CDK1: variants seen among roughly 807,000 people sequenced by gnomAD.
CDK1 encodes the protein cyclin-dependent kinase 1.
CDK1 carries 5 observed loss-of-function variants against 34.6 expected under a neutral mutation model. That is an observed-to-expected ratio of 0.14 (90% CI 0.08 to 0.30). CDK1 has a LOEUF of 0.30. Ranked by LOEUF, CDK1 falls within the 10% of genes least tolerant of loss-of-function variation. CDK1 has a pLI of 1.00. For synonymous variants in CDK1, 108 were observed against 114.7 expected, an observed-to-expected ratio of 0.94 and a Z score of 0.37; for missense variants, 157 against 345.7, an observed-to-expected ratio of 0.45 and a Z score of 4.33.
Position 60,794,790 on chromosome 10 carries a change from A to G in CDK1, c.*815A>G, listed in dbSNP as rs1401001095. On this transcript the variant is annotated 3_prime_UTR_variant, in exon 8 of 8. Transcript: ENST00000395284. ...TAGTGTTTATTAGCAGCCATCTAAA[A>G]AGGCTCTAATGTATATTTAACTAAA... 1 of 152,152 alleles carries G rather than the reference A, an allele frequency of 6.6e-6. No individual in the cohort carries two copies. The highest frequency in any genetic ancestry group is 1.5e-5 in the Non-Finnish European group (1 of 67,994). The allele number at this position is 152,152 out of a possible 1,614,324, so 9.4% of individuals were successfully genotyped here.
intron 7 of CDK1, 44 bp downstream of exon 7, chr10:60,792,333 C>G (rs761467501): frequency 6.6e-7 from 1 of 1,526,412 alleles, no homozygotes; most frequent in Non-Finnish European, 8.9e-7. Flanking sequence ...ATTGATGATT[C>G]TGAATATATT....
intron 2 of CDK1, 79 bp downstream of exon 2, chr10:60,780,281 A>G: frequency 1.3e-6 from 1 of 786,604 alleles, no homozygotes; most frequent in South Asian, 1.5e-5. Context: ...ACATTTAAAT[A>G]TTTATTAAAA....
At chr10:60,789,928 G>A (rs1475328452) in intron 5 of CDK1, among the ~76,000 whole-genome samples, 2 of 152,000 alleles carry the variant, frequency 1.3e-5, no homozygotes, top group Non-Finnish European at 2.9e-5. Context: ...TTTGTCTTTT[G>A]ATGATAATTA....
chr10:60,782,971 T>C (rs2080285179), intron 2 of CDK1, among the ~76,000 whole-genome samples: 1 of 152,140 alleles, frequency 6.6e-6, no homozygotes, highest in Admixed American at 6.5e-5. Context: ...GATGAGATTG[T>C]ACACTTGAGG....
intron 2 of CDK1, among the ~76,000 whole-genome samples, chr10:60,782,836 A>G (rs1030445489): frequency 6.6e-6 from 1 of 152,198 alleles, no homozygotes; most frequent in Admixed American, 6.5e-5. Flanking sequence ...ATTAACCAAT[A>G]GAAAGTTCTG....
At chr10:60,778,610 C>G (rs2080243482) in intron 1 of CDK1, 40 bp downstream of exon 1, 1 of 152,310 alleles carries the variant, frequency 6.6e-6, no homozygotes, top group Admixed American at 6.5e-5. Flanking sequence ...AGGGGACGGC[C>G]GAGGGCCTCG....
At chr10:60,787,220 T>G (rs369590229) in intron 4 of CDK1, among the ~76,000 whole-genome samples, 1 of 152,104 alleles carries the variant, frequency 6.6e-6, no homozygotes, top group East Asian at 1.9e-4. Context: ...TTTTTCACTT[T>G]CAGTACAGTA....
intron 4 of CDK1, 177 bp downstream of exon 4, chr10:60,785,964 C>T: frequency 8.3e-7 from 1 of 1,198,986 alleles, no homozygotes; most frequent in Non-Finnish European, 1.0e-6. Flanking sequence ...ATGTTATTAC[C>T]AGATAGTGTT....
chr10:60,786,348 A>G (rs1053805604), intron 4 of CDK1: 1 of 880,702 alleles, frequency 1.1e-6, no homozygotes, highest in African/African-American at 1.8e-5. Flanking sequence ...TTTTTTACAC[A>G]AGGTGGACTT....
Position 60,792,002 on chromosome 10 carries a change from A to T in CDK1, c.602A>T (p.Lys201Ile). The change falls in exon 6 of 8, where the codon AAA becomes ATA. Residue 201 changes from lysine (K) to isoleucine (I), a missense_variant. Around this residue, in one of 3 missense-constraint regions of CDK1, gnomAD observed 102 missense variants for 233.6 expected, o/e 0.44. Coordinates refer to ENST00000395284, the MANE Select transcript of CDK1 (RefSeq NM_001786.5). ...ATATTTGCTGAACTAGCAACTAAGAAACCACTTTTCCATGGGGATTCAGAA... is the reference window on the plus strand; with the variant it reads ...ATATTTGCTGAACTAGCAACTAAGATACCACTTTTCCATGGGGATTCAGAA... Reference protein sequence around the residue: ...GTIFAELATKKPLFHGDSEID... With the variant: ...GTIFAELATKIPLFHGDSEID... 1 of 1,613,156 alleles carries T rather than the reference A, an allele frequency of 6.2e-7. No individual in the cohort carries two copies. The highest frequency in any genetic ancestry group is 2.2e-5 in the East Asian group (1 of 44,862).
intron 7 of CDK1, among the ~76,000 whole-genome samples, chr10:60,793,505 AT>A (rs1279939150): frequency 2.9e-5 from 4 of 136,828 alleles, no homozygotes; most frequent in African/African-American, 1.1e-4. Context: ...GTTAATTGCC[AT>A]TTCAAGAATG....
rs770829312 is a variant in CDK1 at position 60,780,138 on chromosome 10, T to C, written c.-25-3T>C. 21 of 1,430,698 alleles carry C rather than the reference T, an allele frequency of 1.5e-5. No individual in the cohort carries two copies. The highest frequency in any genetic ancestry group is 1.8e-4 in the Middle Eastern group (1 of 5,712). 88.6% of individuals were successfully genotyped at this position (1,430,698 alleles called of 1,614,324 possible). ...AATTAAGTCAGTTTTTCCTTCACTT[T>C]AGGATCTACCATACCCATTGACTAA... is the stretch of plus-strand genomic sequence containing the variant. On this transcript the variant is annotated splice_polypyrimidine_tract_variant and splice_region_variant and intron_variant, in intron 1 of 7. Transcript: ENST00000395284.
chr10:60,782,780 T>C (rs193114277), intron 2 of CDK1, among the ~76,000 whole-genome samples: 1 of 152,308 alleles, frequency 6.6e-6, no homozygotes, highest in Admixed American at 6.5e-5. Context: ...GAATTCTTAG[T>C]TCATTTTGGA....
At position 60,788,141 on chromosome 10, in the gene CDK1, C is replaced by A; in HGVS notation, c.400C>A (p.Leu134Ile). The A allele has an allele frequency of 6.2e-7, 1 of 1,610,438 alleles. No homozygotes were observed. Among genetic ancestry groups the A allele is most frequent in the Non-Finnish European group, 8.5e-7 (1 of 1,177,300 alleles). Residue 134 changes from leucine (L) to isoleucine (I), a missense_variant, in exon 5 of 8, where the codon CTC becomes ATC. Coordinates refer to ENST00000395284, the MANE Select transcript of CDK1 (RefSeq NM_001786.5). The stretch of plus-strand genomic sequence containing the variant: ...TCACAGAGACTTAAAACCTCAAAAT[C>A]TCTTGATTGATGACAAAGGAACAAT... ...VLHRDLKPQN[L>I]LIDDKGTIKL... is the part of the protein sequence containing the mutation.
intron 3 of CDK1, 150 bp downstream of exon 3, chr10:60,785,011 A>G (rs2080303447): frequency 1.2e-5 from 8 of 661,712 alleles, no homozygotes; most frequent in African/African-American, 1.8e-5. Flanking sequence ...AATGCCGCAC[A>G]TATGTAAAAG....
intron 5 of CDK1, among the ~76,000 whole-genome samples, chr10:60,791,167 G>A (rs1159441803): frequency 6.6e-6 from 1 of 152,070 alleles, no homozygotes; most frequent in East Asian, 1.9e-4. Flanking sequence ...AACATGGGAT[G>A]TCTTTTTTGT....
rs1326001699 is a variant in CDK1, at chr10:60,792,280, T to C, written c.786T>C (p.Asp262=). The C allele has an allele frequency of 1.2e-6, 2 of 1,608,030 alleles. No individual in the cohort carries two copies. The highest frequency in any genetic ancestry group is 1.7e-6 in the Non-Finnish European group (2 of 1,178,120). Residue 262 remains aspartate (D), a synonymous_variant, in exon 7 of 8, where the codon GAT becomes GAC. Coordinates refer to ENST00000395284, the MANE Select transcript of CDK1 (RefSeq NM_001786.5). ...AAAACTTGGATGAAAATGGCTTGGA[T>C]TTGCTCTCGGTAAGGAGTGCCCTTG... is the stretch of plus-strand genomic sequence containing the variant. ...HVKNLDENGL[D]LLSKMLIYDP... is the part of the protein sequence containing the mutation.
At chr10:60,785,011 A>C in intron 3 of CDK1, 150 bp downstream of exon 3, 1 of 661,712 alleles carries the variant, frequency 1.5e-6, no homozygotes, top group Middle Eastern at 4.3e-4. Flanking sequence ...AATGCCGCAC[A>C]TATGTAAAAG....
intron 5 of CDK1, among the ~76,000 whole-genome samples, chr10:60,789,773 G>T (rs925512291): frequency 2.0e-5 from 3 of 152,056 alleles, no homozygotes; most frequent in Non-Finnish European, 4.4e-5. Flanking sequence ...CCCAGCAGTG[G>T]GATTGCAAAA....
Sources: allele counts gnomAD v4.1 joint callset (sites outside exome capture counted in the v4.1 genomes callset), GRCh38; gene constraint gnomAD v4.1.1; regional missense constraint gnomAD v4.1.1; transcripts MANE v1.5; gene names NCBI Gene and HGNC (gene_info 2026-07-23, HGNC 2026-07-21).